GALNT3: variants seen among roughly 807,000 people sequenced by gnomAD.
The protein encoded by GALNT3 is GalNAc transferase 3.
In GALNT3, 51 loss-of-function variants were observed where a neutral mutation model predicts 69.8. The observed-to-expected ratio is 0.73, with a 90% CI of 0.58 to 0.92. The LOEUF is 0.92. Among genes scored for constraint, GALNT3 ranks in the 40% least tolerant of loss-of-function variants. The pLI is 0.00. For missense variants in GALNT3, 711 were observed against 760.0 expected, an observed-to-expected ratio of 0.94 and a Z score of 0.76; for synonymous variants, 265 against 248.5, an observed-to-expected ratio of 1.07 and a Z score of -0.63.
chr2:165,779,492 A>G (rs894326036), intron 1 of GALNT3, among the ~76,000 whole-genome samples: 4 of 152,208 alleles, frequency 2.6e-5, no homozygotes, highest in African/African-American at 9.6e-5. Context: ...TAAGTGAAGA[A>G]GTTCTATCTC....
chr2:165,758,694 C>A, intron 6 of GALNT3, 53 bp downstream of exon 6: 1 of 1,112,810 alleles, frequency 9.0e-7, no homozygotes, highest in Non-Finnish European at 1.4e-6. Context: ...GATTAGAACA[C>A]AATATATTTC....
intron 4 of GALNT3, 107 bp downstream of exon 4, chr2:165,761,798 A>T: frequency 8.1e-7 from 1 of 1,241,372 alleles, no homozygotes; most frequent in Non-Finnish European, 1.2e-6. Context: ...AAACGCTGTT[A>T]AAGAAAATGC....
intron 7 of GALNT3, among the ~76,000 whole-genome samples, chr2:165,755,963 C>A (rs969074004): frequency 6.6e-6 from 1 of 152,074 alleles, no homozygotes; most frequent in African/African-American, 2.4e-5. Context: ...TTGTGGGGGA[C>A]AAGCAGAGCA....
chr2:165,787,499 A>T (rs989036279), intron 1 of GALNT3, among the ~76,000 whole-genome samples: 4 of 152,164 alleles, frequency 2.6e-5, no homozygotes, highest in African/African-American at 9.7e-5. Flanking sequence ...CAGGGTGAGG[A>T]ACTAACAAGC....
In GALNT3 at chr2:165,776,713, G is replaced by A. The variant is rs368612973; in HGVS notation, c.-108-5905C>T. 2.3e-4 allele frequency among the ~76,000 whole-genome samples: 35 copies of A among 152,204 alleles called. No homozygotes were observed. The South Asian group carries it at 6.2e-3, about 27-fold the overall frequency. The stretch of plus-strand genomic sequence containing the variant: ...AATAAAAATATTCATAAAGTGAAAA[G>A]CTAAAGCAATATACACAATTTTAAC... On this transcript the variant is annotated intron_variant, in intron 1 of 10. Coordinates refer to ENST00000392701, the MANE Select transcript of GALNT3 (RefSeq NM_004482.4).
chr2:165,758,814 T>G lies in GALNT3; in HGVS notation c.1124A>C (p.Glu375Ala). The change falls in exon 6 of 11, where the codon GAG (glutamate) becomes GCG (alanine). Residue 375 changes from glutamate (E) to alanine (A), a missense_variant. Transcript: ENST00000392701. The part of the protein sequence containing the change: ...GLFSISKEYF[E>A]YIGSYDEEME... ...TTCTTCATCATAGCTTCCAATATAC[T>G]CAAAATATTCTTTTGATATGGAAAA... 1 of 1,611,546 alleles carries G rather than the reference T, an allele frequency of 6.2e-7. No homozygotes were observed. The highest frequency in any genetic ancestry group is 2.2e-5 in the East Asian group (1 of 44,750).
upstream of GALNT3, chr2:165,794,377 T>G (rs1304256284): frequency 6.6e-6 from 1 of 152,158 alleles, no homozygotes; most frequent in East Asian, 1.9e-4. Flanking sequence ...GGGGGCGCCG[T>G]CCGGGCCAAG....
chr2:165,787,497 G>A (rs1559008694), intron 1 of GALNT3, among the ~76,000 whole-genome samples: 1 of 152,114 alleles, frequency 6.6e-6, no homozygotes, highest in Non-Finnish European at 1.5e-5. Flanking sequence ...TGCAGGGTGA[G>A]GAACTAACAA....
In GALNT3 at chr2:165,755,051, C is replaced by G; in HGVS notation, c.1405G>C (p.Asp469His). 1 of 1,611,860 alleles carries G rather than the reference C, an allele frequency of 6.2e-7. No homozygotes were observed. Among genetic ancestry groups the G allele is most frequent in the Non-Finnish European group, 8.5e-7 (1 of 1,178,252 alleles). ...TTTATTTCAAATCTTTTTGAAAGAT[C>G]ACCAAATGCTTTCTGTAGAAACATG... ...AKIVKQKAFG[D>H]LSKRFEIKHR... Residue 469 changes from aspartate (D) to histidine (H), a missense_variant, in exon 8 of 11, where the codon GAT becomes CAT. By Grantham distance (81) the Asp-to-His change is moderately conservative (BLOSUM62 -1). Coordinates refer to ENST00000392701, the MANE Select transcript of GALNT3 (RefSeq NM_004482.4).
At position 165,789,704 on chromosome 2, in the gene GALNT3, TAAAA is replaced by T. The variant is rs34701222; in HGVS notation, c.-109+4307_-109+4310del. 4.7e-5 allele frequency among the ~76,000 whole-genome samples: 7 copies of T among 149,914 alleles called. No individual in the cohort carries two copies. In the South Asian group the frequency reaches 8.5e-4, roughly 18 times the overall value. On this transcript the variant is annotated intron_variant, in intron 1 of 10. Transcript: ENST00000392701. The stretch of plus-strand genomic sequence containing the variant: ...GGCAACATAGTGAGACCTTGTCTCA[TAAAA>T]AAAAAAAAAAATCTGATTTTTTTGG...
intron 1 of GALNT3, among the ~76,000 whole-genome samples, chr2:165,777,832 A>G (rs1405737734): frequency 1.3e-5 from 2 of 152,202 alleles, no homozygotes; most frequent in Non-Finnish European, 2.9e-5. Context: ...CAATGCCACC[A>G]GTGGATGACT....
At chr2:165,777,775 C>T (rs1181276954) in intron 1 of GALNT3, among the ~76,000 whole-genome samples, 1 of 152,180 alleles carries the variant, frequency 6.6e-6, no homozygotes, top group Non-Finnish European at 1.5e-5. Flanking sequence ...AGACATACCT[C>T]AAAGATCTCA....
At chr2:165,779,159 C>T (rs1683046699) in intron 1 of GALNT3, among the ~76,000 whole-genome samples, 1 of 152,144 alleles carries the variant, frequency 6.6e-6, no homozygotes, top group Non-Finnish European at 1.5e-5. Context: ...GAAAACTATG[C>T]TCAAAAGGAG....
intron 4 of GALNT3, chr2:165,761,625 A>G (rs998573926): frequency 1.6e-6 from 1 of 636,484 alleles, no homozygotes; most frequent in Non-Finnish European, 2.8e-6. Context: ...TGGAAAAAAA[A>G]AAAAGAGGCA....
chr2:165,755,502 T>C (rs1333394310), intron 7 of GALNT3, among the ~76,000 whole-genome samples: 1 of 152,148 alleles, frequency 6.6e-6, no homozygotes, highest in Admixed American at 6.5e-5. Flanking sequence ...CTCTTCTCCA[T>C]CAAGATCACA....
chr2:165,787,659 C>G (rs1355339818), intron 1 of GALNT3, among the ~76,000 whole-genome samples: 3 of 152,064 alleles, frequency 2.0e-5, no homozygotes, highest in African/African-American at 7.2e-5. Context: ...ATAGGACTAG[C>G]CAAAAAGAGA....
At chr2:165,792,952 T>G (rs886087538) in intron 1 of GALNT3, among the ~76,000 whole-genome samples, 1 of 152,196 alleles carries the variant, frequency 6.6e-6, no homozygotes, top group Admixed American at 6.5e-5. Context: ...AGAATTTGAC[T>G]GTAAATGTCT....
chr2:165,776,364 A>G (rs79177937), intron 1 of GALNT3, among the ~76,000 whole-genome samples: 2,035 of 152,274 alleles, frequency 0.013, 48 homozygotes, highest in African/African-American at 0.047. Context: ...CAAACTCAGG[A>G]TATAACATGT....
chr2:165,794,589 G>C (rs1179717571), upstream of GALNT3: 4 of 152,346 alleles, frequency 2.6e-5, no homozygotes, highest in Non-Finnish European at 4.4e-5. Flanking sequence ...CTTCCTCCTC[G>C]GTTCGCCAAA....
Sources: allele counts gnomAD v4.1 joint callset (sites outside exome capture counted in the v4.1 genomes callset), GRCh38; gene constraint gnomAD v4.1.1; transcripts MANE v1.5; gene names NCBI Gene and HGNC (gene_info 2026-07-23, HGNC 2026-07-21).